The following SMYD3 variants were observed in gnomAD, a reference collection of about 807,000 sequenced individuals.
SMYD3 encodes the protein histone-lysine N-methyltransferase SMYD3.
In SMYD3, 36 loss-of-function variants were observed where a neutral mutation model predicts 57.7. The observed-to-expected ratio is 0.62, with a 90% CI of 0.48 to 0.82. SMYD3 has a LOEUF of 0.82. Among genes scored for constraint, SMYD3 ranks in the 40% least tolerant of loss-of-function variants. The pLI is 0.00. For synonymous variants in SMYD3, 211 were observed against 195.0 expected, an observed-to-expected ratio of 1.08 and a Z score of -0.68; for missense variants, 515 against 538.8, an observed-to-expected ratio of 0.96 and a Z score of 0.44.
intron 5 of SMYD3, among the ~76,000 whole-genome samples, chr1:246,220,774 A>G (rs934503673): frequency 6.6e-6 from 1 of 152,150 alleles, no homozygotes; most frequent in Non-Finnish European, 1.5e-5. Flanking sequence ...CGGCCCACCC[A>G]TGGCCACCTA....
At chr1:246,362,184 G>A (rs1364262869) in intron 1 of SMYD3, among the ~76,000 whole-genome samples, 3 of 151,980 alleles carry the variant, frequency 2.0e-5, no homozygotes, top group Non-Finnish European at 4.4e-5. Flanking sequence ...TTCAAATCCA[G>A]TCCATAAACT....
chr1:246,113,290 C>T (rs2061285431), intron 5 of SMYD3, among the ~76,000 whole-genome samples: 1 of 151,962 alleles, frequency 6.6e-6, no homozygotes, highest in South Asian at 2.1e-4. Context: ...GGGAAATATA[C>T]CTTTTAAGGA....
chr1:246,290,072 T>C (rs935990238), intron 5 of SMYD3, among the ~76,000 whole-genome samples: 1 of 152,082 alleles, frequency 6.6e-6, no homozygotes, highest in Admixed American at 6.5e-5. Context: ...AATCTTCAAA[T>C]GATGTTCAAA....
chr1:245,859,783 A>T (rs545271306), intron 9 of SMYD3, among the ~76,000 whole-genome samples: 1 of 152,366 alleles, frequency 6.6e-6, no homozygotes, highest in South Asian at 2.1e-4. Context: ...TTTGAAGATC[A>T]GAAATGGCAG....
At chr1:245,842,885 A>AT (rs1489374464) in intron 10 of SMYD3, among the ~76,000 whole-genome samples, 23 of 151,872 alleles carry the variant, frequency 1.5e-4, no homozygotes, top group African/African-American at 5.3e-4. Flanking sequence ...TAATTTTCTA[A>AT]TTTTTTGTAA....
At chr1:246,051,234 C>A (rs1351708318) in intron 5 of SMYD3, among the ~76,000 whole-genome samples, 1 of 151,364 alleles carries the variant, frequency 6.6e-6, no homozygotes, top group Non-Finnish European at 1.5e-5. Flanking sequence ...AGGCTCATCA[C>A]CTCAACCTCC....
chr1:246,316,890 GA>G (rs2065169909), intron 5 of SMYD3, among the ~76,000 whole-genome samples: 1 of 151,098 alleles, frequency 6.6e-6, no homozygotes, highest in Middle Eastern at 3.2e-3. Flanking sequence ...AGATACTCGG[GA>G]GGCTGAGGCA....
chr1:245,972,348 A>C (rs746471984), intron 5 of SMYD3, among the ~76,000 whole-genome samples: 2 of 152,028 alleles, frequency 1.3e-5, no homozygotes, highest in African/African-American at 2.4e-5. Flanking sequence ...TGACAACAAC[A>C]CAGTGTTCAA....
At chr1:246,335,743 A>C (rs184743035) in intron 2 of SMYD3, among the ~76,000 whole-genome samples, 1 of 152,322 alleles carries the variant, frequency 6.6e-6, no homozygotes, top group Admixed American at 6.5e-5. Context: ...GTGGAGTCCA[A>C]AGAAAGAGCC....
At chr1:245,892,808 C>T (rs1011138588) in intron 8 of SMYD3, among the ~76,000 whole-genome samples, 6 of 152,134 alleles carry the variant, frequency 3.9e-5, no homozygotes, top group African/African-American at 1.4e-4. Flanking sequence ...ATATCTTTCT[C>T]CTCTTGAATT....
intron 5 of SMYD3, among the ~76,000 whole-genome samples, chr1:246,258,717 A>G (rs1377303231): frequency 6.6e-6 from 1 of 152,194 alleles, no homozygotes; most frequent in Non-Finnish European, 1.5e-5. Context: ...CATTTTGTAT[A>G]GTATCTCACA....
At chr1:245,805,709 G>A (rs2817510) in intron 10 of SMYD3, among the ~76,000 whole-genome samples, 135,693 of 152,020 alleles carry the variant, frequency 0.89, 60,801 homozygotes, top group African/African-American at 0.96. Context: ...TGCTCACCCC[G>A]TCTGTGGCTC....
chr1:246,101,071 G>GTTTT (rs754724096), intron 5 of SMYD3, among the ~76,000 whole-genome samples: 4 of 54,066 alleles, frequency 7.4e-5, no homozygotes, highest in Admixed American at 2.5e-4. Context: ...GGGGTTTTTT[G>GTTTT]TTTTTTTTTT....
intron 3 of SMYD3, among the ~76,000 whole-genome samples, chr1:246,332,745 T>C (rs1572391143): frequency 6.6e-6 from 1 of 152,146 alleles, no homozygotes; most frequent in South Asian, 2.1e-4. Flanking sequence ...GAGGCGGAGG[T>C]TGCAGTGAGC....
intron 10 of SMYD3, among the ~76,000 whole-genome samples, chr1:245,827,666 C>G (rs2049579214): frequency 6.6e-6 from 1 of 152,194 alleles, no homozygotes; most frequent in Non-Finnish European, 1.5e-5. Flanking sequence ...CCTTCCCATC[C>G]CACCACCTAA....
intron 1 of SMYD3, among the ~76,000 whole-genome samples, chr1:246,401,847 C>T (rs547374847): frequency 6.6e-5 from 10 of 151,912 alleles, no homozygotes; most frequent in African/African-American, 2.2e-4. Context: ...CTCAGCCTCC[C>T]GAGTAGCTGG....
At chr1:246,238,072 C>T (rs2063539858) in intron 5 of SMYD3, among the ~76,000 whole-genome samples, 3 of 152,026 alleles carry the variant, frequency 2.0e-5, no homozygotes, top group African/African-American at 7.2e-5. Context: ...GGGTTTCTTT[C>T]TCTTTTTTTA....
At chr1:246,175,532 T>A (rs1003050503) in intron 5 of SMYD3, among the ~76,000 whole-genome samples, 1 of 152,244 alleles carries the variant, frequency 6.6e-6, no homozygotes, top group Admixed American at 6.5e-5. Flanking sequence ...AATATTCAAA[T>A]CTAACTTCTT....
rs539543632 is a variant in SMYD3, at chr1:246,395,059, A to C, written c.165-39965T>G. On this transcript the variant is annotated intron_variant, in intron 1 of 11. Coordinates refer to ENST00000490107, the MANE Select transcript of SMYD3 (RefSeq NM_001167740.2). ...TGAACTCAGCTACACTTTATGATAT[A>C]AGAGAGGCTCCTGAACCTAGCTATG... 4.6e-5 allele frequency among the ~76,000 whole-genome samples: 7 copies of C among 152,300 alleles called. No homozygotes were observed. The South Asian group carries it at 1.5e-3, about 32-fold the overall frequency.
Sources: allele counts gnomAD v4.1 joint callset (sites outside exome capture counted in the v4.1 genomes callset), GRCh38; gene constraint gnomAD v4.1.1; transcripts MANE v1.5; gene names NCBI Gene and HGNC (gene_info 2026-07-23, HGNC 2026-07-21).